Variants in ADAMTS19 observed in about 807,000 individuals in gnomAD.
ADAMTS19 encodes A disintegrin and metalloproteinase with thrombospondin motifs 19.
In ADAMTS19, 93 loss-of-function variants were observed where a neutral mutation model predicts 153.3. The observed-to-expected ratio is 0.61, with a 90% CI of 0.51 to 0.72. The LOEUF (loss-of-function observed/expected upper bound fraction) is 0.72, where lower values mean the gene tolerates loss of function less well. Ranked by LOEUF, ADAMTS19 falls within the 30% of genes least tolerant of loss-of-function variation. The pLI is 0.00. For missense variants in ADAMTS19, 1,482 were observed against 1,552.1 expected, an observed-to-expected ratio of 0.95 and a Z score of 0.76; for synonymous variants, 600 against 556.6, an observed-to-expected ratio of 1.08 and a Z score of -1.10.
chr5:129,717,087 G>T (rs1446559572), intron 21 of ADAMTS19, among the ~76,000 whole-genome samples: 2 of 152,092 alleles, frequency 1.3e-5, no homozygotes, highest in Non-Finnish European at 2.9e-5. Flanking sequence ...TTCTCAAAGG[G>T]CTTCATCAAT....
intron 7 of ADAMTS19, among the ~76,000 whole-genome samples, chr5:129,593,261 C>T (rs1418399389): frequency 1.3e-5 from 2 of 152,184 alleles, no homozygotes; most frequent in African/African-American, 4.8e-5. Flanking sequence ...TTCTCACCCA[C>T]ATTTCTTATG....
chr5:129,626,684 T>G (rs931285242), intron 10 of ADAMTS19, among the ~76,000 whole-genome samples: 12 of 152,224 alleles, frequency 7.9e-5, no homozygotes, highest in Admixed American at 2.6e-4. Context: ...AGTCATTGAT[T>G]TGACAAATAT....
chr5:129,574,738 C>A, intron 7 of ADAMTS19, among the ~76,000 whole-genome samples: 1 of 151,552 alleles, frequency 6.6e-6, no homozygotes, highest in South Asian at 2.1e-4. Context: ...TATATAAATT[C>A]TTAAAATTTT....
chr5:129,531,103 G>C (rs951014044), intron 6 of ADAMTS19, among the ~76,000 whole-genome samples: 1 of 152,022 alleles, frequency 6.6e-6, no homozygotes, highest in Non-Finnish European at 1.5e-5. Flanking sequence ...CCTCTAAAAT[G>C]AGAACTATAC....
chr5:129,594,909 G>C (rs967021508), intron 7 of ADAMTS19, among the ~76,000 whole-genome samples: 1 of 151,768 alleles, frequency 6.6e-6, no homozygotes, highest in East Asian at 1.9e-4. Flanking sequence ...TGAAGTAACT[G>C]GGCTTATCAT....
chr5:129,460,416 C>G lies in ADAMTS19; in HGVS notation c.25C>G (p.Leu9Val). 6.2e-7 allele frequency: 1 copy of G among 1,614,116 alleles called. No homozygotes were observed. The highest frequency in any genetic ancestry group is 8.5e-7 in the Non-Finnish European group (1 of 1,180,024). MGKNREMRLTHICCCCLLY... is the reference protein window; with the variant it reads MGKNREMRVTHICCCCLLY... ...TATGGGGAAGAACCGCGAGATGCGC[C>G]TGACTCACATCTGCTGCTGCTGCCT... The change falls in exon 1 of 23, where the codon CTG becomes GTG. Residue 9 changes from leucine (L) to valine (V), a missense_variant. Physicochemically the swap from Leu to Val is conservative, Grantham distance 32. Around this residue, in one of 2 missense-constraint regions of ADAMTS19, gnomAD observed 866 missense variants for 827.7 expected, o/e 1.05. Transcript: ENST00000274487.
At chr5:129,681,842 G>T (rs768697380) in intron 17 of ADAMTS19, among the ~76,000 whole-genome samples, 4 of 152,096 alleles carry the variant, frequency 2.6e-5, no homozygotes, top group African/African-American at 9.7e-5. Context: ...GCCATCTAGC[G>T]AGAGAAAATA....
chr5:129,509,051 A>G (rs770146501), intron 2 of ADAMTS19, 26 bp from the exon 3 acceptor site: 1 of 1,505,880 alleles, frequency 6.6e-7, no homozygotes, highest in Non-Finnish European at 8.9e-7. Context: ...TATTTCTTAC[A>G]TATCTTTTTG....
chr5:129,636,654 A>T (rs1221204351), intron 10 of ADAMTS19, among the ~76,000 whole-genome samples: 2 of 152,178 alleles, frequency 1.3e-5, no homozygotes, highest in African/African-American at 4.8e-5. Context: ...TGTCAAACTT[A>T]TTCAGTGGAC....
intron 16 of ADAMTS19, among the ~76,000 whole-genome samples, chr5:129,667,093 C>A (rs1485518240): frequency 6.6e-6 from 1 of 152,154 alleles, no homozygotes; most frequent in Non-Finnish European, 1.5e-5. Context: ...ATAAGGTCAG[C>A]AAATGCCCTC....
chr5:129,719,515 A>G lies in ADAMTS19; in HGVS notation c.3312+15124A>G, dbSNP rs530967343. 8.5e-5 allele frequency among the ~76,000 whole-genome samples: 13 copies of G among 152,324 alleles called. No individual in the cohort carries two copies. The East Asian group carries it at 1.7e-3, about 20-fold the overall frequency. On this transcript the variant is annotated intron_variant, in intron 21 of 22. Coordinates refer to ENST00000274487, the MANE Select transcript of ADAMTS19 (RefSeq NM_133638.6). Reference sequence around the variant, plus strand: ...TAATTTTAAACTTTGGCATTTTACCATGGATTCTCCATGTATAAAACTAGA... The same window carrying G: ...TAATTTTAAACTTTGGCATTTTACCGTGGATTCTCCATGTATAAAACTAGA...
chr5:129,566,632 ACTAG>A (rs1044395031), intron 7 of ADAMTS19, among the ~76,000 whole-genome samples: 5 of 152,162 alleles, frequency 3.3e-5, no homozygotes, highest in African/African-American at 1.2e-4. Flanking sequence ...GAGATAAAAC[ACTAG>A]GAGAAGCCCT....
intron 7 of ADAMTS19, among the ~76,000 whole-genome samples, chr5:129,555,306 CT>C (rs1357519125): frequency 1.3e-5 from 2 of 152,000 alleles, no homozygotes; most frequent in Admixed American, 6.6e-5. Context: ...GAGAGGAATG[CT>C]TGTATTTTCA....
At chr5:129,702,134 G>T (rs748076182) in intron 20 of ADAMTS19, among the ~76,000 whole-genome samples, 1 of 152,098 alleles carries the variant, frequency 6.6e-6, no homozygotes, top group South Asian at 2.1e-4. Flanking sequence ...TGAACCCAAG[G>T]TTGTTTAACT....
chr5:129,701,240 C>T, intron 19 of ADAMTS19, 148 bp from the exon 20 acceptor site: 1 of 844,694 alleles, frequency 1.2e-6, no homozygotes. Context: ...GAGGCCTCCC[C>T]AGCCACATGG....
intron 2 of ADAMTS19, among the ~76,000 whole-genome samples, chr5:129,488,985 T>C (rs549062343): frequency 1.3e-5 from 2 of 152,220 alleles, no homozygotes; most frequent in African/African-American, 4.8e-5. Flanking sequence ...ACACTTAACC[T>C]TTCCTTTCTT....
chr5:129,522,244 TAC>T (rs1459921114), intron 3 of ADAMTS19, among the ~76,000 whole-genome samples: 4 of 146,548 alleles, frequency 2.7e-5, no homozygotes, highest in Non-Finnish European at 4.5e-5. Context: ...TGTAAGTATA[TAC>T]ACACACATAA....
chr5:129,563,951 T>TTG (rs1753611966), intron 7 of ADAMTS19, among the ~76,000 whole-genome samples: 1 of 151,370 alleles, frequency 6.6e-6, no homozygotes, highest in Non-Finnish European at 1.5e-5. Flanking sequence ...ACGTAGTATC[T>TTG]CTTTGTCACC....
intron 13 of ADAMTS19, 139 bp downstream of exon 13, chr5:129,649,109 T>C: frequency 1.3e-6 from 1 of 785,558 alleles, no homozygotes; most frequent in East Asian, 2.5e-5. Flanking sequence ...TATGGACATA[T>C]AATAACCACA....
Sources: gnomAD v4.1 joint callset for allele counts (sites outside exome capture counted in the v4.1 genomes callset) on GRCh38, gnomAD v4.1.1 for gene constraint, gnomAD v4.1.1 regional missense constraint, MANE v1.5 for transcripts, NCBI Gene and HGNC (gene_info 2026-07-23, HGNC 2026-07-21) for gene names.